Variants in FAM135A observed in about 807,000 individuals in gnomAD.
FAM135A encodes the protein family with sequence similarity 135 member A, also known as protein FAM135A.
Under a neutral mutation model 146.8 loss-of-function variants are expected in FAM135A, and 79 were observed. The ratio of observed to expected loss-of-function variants is 0.54; its 90% confidence interval spans 0.45 to 0.65. The LOEUF is 0.65. Among genes scored for constraint, FAM135A ranks in the 30% least tolerant of loss-of-function variants. FAM135A has a pLI of 0.00. For synonymous variants in FAM135A, 562 were observed against 603.6 expected (o/e 0.93, Z 1.01); for missense variants, 1,623 against 1,758.2 (o/e 0.92, Z 1.38).
chr6:70,435,861 A>G (rs550971780), intron 4 of FAM135A, among the ~76,000 whole-genome samples: 28 of 152,336 alleles, frequency 1.8e-4, no homozygotes, highest in African/African-American at 6.7e-4. Flanking sequence ...TTCCTTGTCT[A>G]TAATGTCATG....
chr6:70,538,185 TA>T lies in FAM135A; in HGVS notation c.4118-105del, dbSNP rs1316614423. ...TGATTAGCCAACAAAAATGCTAATTTAGGCAATGTCATCTTTTGAAGTGAAA... is the reference window on the plus strand; with the variant it reads ...TGATTAGCCAACAAAAATGCTAATTTGGCAATGTCATCTTTTGAAGTGAAA... On this transcript the variant is annotated intron_variant, in intron 19 of 21. Coordinates refer to ENST00000418814, the MANE Select transcript of FAM135A (RefSeq NM_001162529.3). 18 of 617,588 alleles carry T rather than the reference TA, an allele frequency of 2.9e-5. No individual in the cohort carries two copies. The Admixed American group carries it at 3.0e-4, about 10-fold the overall frequency. The allele number at this position is 617,588 out of a possible 1,614,324, so 38.3% of individuals were successfully genotyped here.
At chr6:70,447,820 A>G (rs964357482) in intron 4 of FAM135A, among the ~76,000 whole-genome samples, 2 of 152,036 alleles carry the variant, frequency 1.3e-5, no homozygotes, top group African/African-American at 4.8e-5. Flanking sequence ...CTTTTTTAGT[A>G]TGCCCATGCT....
intron 8 of FAM135A, 91 bp downstream of exon 8, chr6:70,477,423 T>A: frequency 7.5e-7 from 1 of 1,342,148 alleles, no homozygotes; most frequent in Non-Finnish European, 1.0e-6. Flanking sequence ...AAAAGAGGTT[T>A]AATTGGGTCA....
chr6:70,470,845 G>A (rs899303835), intron 5 of FAM135A, among the ~76,000 whole-genome samples: 1 of 152,194 alleles, frequency 6.6e-6, no homozygotes, highest in Non-Finnish European at 1.5e-5. Context: ...TGCCTGAAAA[G>A]GGAGCAGAGA....
At chr6:70,542,761 T>G (rs1375571635) in intron 20 of FAM135A, among the ~76,000 whole-genome samples, 6 of 152,178 alleles carry the variant, frequency 3.9e-5, no homozygotes, top group Non-Finnish European at 8.8e-5. Flanking sequence ...CATATCAAAC[T>G]GAATATGTCT....
At chr6:70,456,794 G>A (rs1428253291) in intron 5 of FAM135A, among the ~76,000 whole-genome samples, 1 of 152,292 alleles carries the variant, frequency 6.6e-6, no homozygotes, top group East Asian at 1.9e-4. Context: ...CTCAGGATAA[G>A]GAAGGGCATC....
At chr6:70,475,836 G>A (rs1782536954) in intron 7 of FAM135A, 103 bp downstream of exon 7, 2 of 874,278 alleles carry the variant, frequency 2.3e-6, no homozygotes, top group South Asian at 3.5e-5. Context: ...TCCCTATCTT[G>A]TCTTGAACTA....
intron 5 of FAM135A, among the ~76,000 whole-genome samples, chr6:70,471,492 A>G (rs996125205): frequency 2.7e-4 from 41 of 152,232 alleles, no homozygotes; most frequent in Middle Eastern, 6.8e-3. Context: ...GTTCTCACTT[A>G]TGAGTGGGAG....
chr6:70,427,634 G>A (rs911848652), intron 3 of FAM135A, among the ~76,000 whole-genome samples: 1 of 150,414 alleles, frequency 6.6e-6, no homozygotes, highest in African/African-American at 2.4e-5. Context: ...TGTACATGTG[G>A]TTTGATCCCA....
In FAM135A at chr6:70,536,240, A is replaced by T. The variant is rs944162003; in HGVS notation, c.3966-20A>T. 1.7e-5 allele frequency: 26 copies of T among 1,575,254 alleles called. No individual in the cohort carries two copies. The highest frequency in any genetic ancestry group is 8.3e-5 in the African/African-American group (6 of 72,700). On this transcript the variant is annotated intron_variant, in intron 18 of 21. Transcript: ENST00000418814. ...TAAAACTAATGCTGTGAGAAAATTA[A>T]TTTTTTTTTCCTCTTAAAGCTTTAT...
intron 2 of FAM135A, among the ~76,000 whole-genome samples, chr6:70,423,118 G>C (rs1769227452): frequency 6.6e-6 from 1 of 152,178 alleles, no homozygotes; most frequent in African/African-American, 2.4e-5. Flanking sequence ...ATGTTCCAGG[G>C]AACAACGAGT....
chr6:70,557,174 T>C (rs781029637), intron 21 of FAM135A: 12 of 427,990 alleles, frequency 2.8e-5, no homozygotes, highest in Non-Finnish European at 5.0e-5. Flanking sequence ...TATGTTCTGC[T>C]GTACCTCGCT....
intron 20 of FAM135A, among the ~76,000 whole-genome samples, chr6:70,550,502 A>G (rs1799631062): frequency 1.3e-5 from 2 of 152,210 alleles, no homozygotes; most frequent in African/African-American, 4.8e-5. Flanking sequence ...ATTGTTAATG[A>G]GCAGTAATAT....
At chr6:70,503,647 GTGA>G (rs768150183) in intron 12 of FAM135A, 3 of 151,996 alleles carry the variant, frequency 2.0e-5, no homozygotes, top group Non-Finnish European at 4.4e-5. Context: ...ACTGTCTTTT[GTGA>G]TGATGAGTTC....
chr6:70,526,807 A>ATG, intron 15 of FAM135A, 109 bp downstream of exon 15: 2 of 849,426 alleles, frequency 2.4e-6, no homozygotes, highest in Non-Finnish European at 3.4e-6. Context: ...ACACACATAT[A>ATG]TATATAAAAT....
chr6:70,474,771 T>A (rs1782292146), intron 5 of FAM135A, among the ~76,000 whole-genome samples: 1 of 152,194 alleles, frequency 6.6e-6, no homozygotes, highest in South Asian at 2.1e-4. Context: ...ATGTTCAGAA[T>A]TTTTATTGAT....
chr6:70,439,050 T>C (rs897748410), intron 4 of FAM135A, among the ~76,000 whole-genome samples: 4 of 152,170 alleles, frequency 2.6e-5, no homozygotes, highest in Non-Finnish European at 5.9e-5. Flanking sequence ...TGCTTGCCTG[T>C]AGTCCCAGTT....
chr6:70,546,140 A>G (rs1798833441), intron 20 of FAM135A, among the ~76,000 whole-genome samples: 2 of 152,156 alleles, frequency 1.3e-5, no homozygotes, highest in Admixed American at 1.3e-4. Flanking sequence ...TTTACATATA[A>G]TTACTTTATT....
chr6:70,491,044 T>C lies in FAM135A; in HGVS notation c.834T>C (p.Asp278=). 6.2e-7 allele frequency: 1 copy of C among 1,600,904 alleles called. No homozygotes were observed. The highest frequency in any genetic ancestry group is 8.5e-7 in the Non-Finnish European group (1 of 1,174,706). Residue 278 remains aspartate, a synonymous_variant, in exon 11 of 22, where the codon GAT becomes GAC. Transcript: ENST00000418814. ...SCQKLELEEM[D]VEARLTELCE... is the part of the protein sequence containing the mutation. ...CTTTACTCCTTCCAGAGGAAATGGA[T>C]GTAGAAGCTCGACTTACTGAACTAT...
Sources: allele counts gnomAD v4.1 joint callset (sites outside exome capture counted in the v4.1 genomes callset), GRCh38; gene constraint gnomAD v4.1.1; transcripts MANE v1.5; gene names NCBI Gene and HGNC (gene_info 2026-07-23, HGNC 2026-07-21).